ALMS1: variants seen among roughly 807,000 people sequenced by gnomAD.
ALMS1 encodes the protein ALMS1 centrosome and basal body associated protein.
Under a neutral mutation model 352.2 loss-of-function variants are expected in ALMS1, and 271 were observed. The ratio of observed to expected loss-of-function variants is 0.77; its 90% CI spans 0.70 to 0.85. The LOEUF (loss-of-function observed/expected upper bound fraction) is 0.85. Ranked by LOEUF, ALMS1 falls within the 40% of genes least tolerant of loss-of-function variation. The pLI, the probability that ALMS1 is intolerant of heterozygous loss-of-function variation, is 0.00. For missense variants in ALMS1, 5,445 were observed against 4,870.7 expected, an observed-to-expected ratio of 1.12 and a Z score of -3.51; for synonymous variants, 1,865 against 1,761.2, an observed-to-expected ratio of 1.06 and a Z score of -1.48.
chr2:73,448,339 T>C lies in ALMS1; in HGVS notation c.1812T>C (p.Ala604=), dbSNP rs2103772267. 3 of 1,613,960 alleles carry C rather than the reference T, an allele frequency of 1.9e-6. No individual in the cohort carries two copies. The highest frequency in any genetic ancestry group is 2.5e-6 in the Non-Finnish European group (3 of 1,179,928). ...LTEEALKVSA[A]PGLADQTTGM... is the part of the protein sequence containing the mutation. ...AAGAGGCTTTGAAAGTTTCAGCTGC[T>C]CCTGGACTAGCTGACCAGACAACTG... Residue 604 remains alanine (A), a synonymous_variant, in exon 8 of 23, where the codon GCT becomes GCC. Coordinates refer to ENST00000613296, the MANE Select transcript of ALMS1 (RefSeq NM_001378454.1).
intron 9 of ALMS1, among the ~76,000 whole-genome samples, chr2:73,485,339 A>G (rs970223362): frequency 6.6e-6 from 1 of 152,100 alleles, no homozygotes; most frequent in Admixed American, 6.5e-5. Context: ...CTGCCGTGTG[A>G]GGTGTCAGTG....
chr2:73,403,323 C>G (rs1369523421), intron 1 of ALMS1, among the ~76,000 whole-genome samples: 1 of 152,094 alleles, frequency 6.6e-6, no homozygotes, highest in Non-Finnish European at 1.5e-5. Flanking sequence ...GTGCCCTTGT[C>G]AAAAATTAGC....
intron 15 of ALMS1, among the ~76,000 whole-genome samples, chr2:73,568,094 TG>T (rs1037373710): frequency 2.6e-5 from 4 of 152,110 alleles, no homozygotes; most frequent in African/African-American, 9.7e-5. Context: ...GAAATGCAAA[TG>T]GCCATTAAAG....
Position 73,449,737 on chromosome 2 carries a change from T to C in ALMS1, c.3210T>C (p.Pro1070=), listed in dbSNP as rs2103778016. Residue 1070 remains proline, a synonymous_variant, in exon 8 of 23, where the codon CCT becomes CCC. Transcript: ENST00000613296. ...YPQVLSDSHL[P]EESLKVSAFP... ...AGGTGTTATCAGACAGTCATCTACC[T>C]GAAGAGAGTCTGAAAGTTTCAGCCT... 1 of 1,614,116 alleles carries C rather than the reference T, an allele frequency of 6.2e-7. No homozygotes were observed. The highest frequency in any genetic ancestry group is 1.7e-4 in the Middle Eastern group (1 of 6,060).
At position 73,609,807 on chromosome 2, in the gene ALMS1, A is replaced by G; in HGVS notation, c.*195A>G. 1 of 603,920 alleles carries G rather than the reference A, an allele frequency of 1.7e-6. No individual in the cohort carries two copies. Among genetic ancestry groups the G allele is most frequent in the Non-Finnish European group, 3.0e-6 (1 of 337,872 alleles). 37.4% of individuals were successfully genotyped at this position (603,920 alleles called of 1,614,324 possible). Reference sequence around the variant, plus strand: ...GGTTTGGGAGCAATACTTTCTGCATAGTGGCCTTGTCCAATGGCCTGTGTG... The same window carrying G: ...GGTTTGGGAGCAATACTTTCTGCATGGTGGCCTTGTCCAATGGCCTGTGTG... On this transcript the variant is annotated 3_prime_UTR_variant, in exon 23 of 23. Transcript: ENST00000613296.
At position 73,489,684 on chromosome 2, in the gene ALMS1, T is replaced by A; in HGVS notation, c.7725T>A (p.Ser2575Arg). 5.0e-6 allele frequency: 8 copies of A among 1,614,108 alleles called. No homozygotes were observed. The highest frequency in any genetic ancestry group is 6.8e-6 in the Non-Finnish European group (8 of 1,180,028). The change falls in exon 10 of 23, where the codon AGT becomes AGA. Residue 2575 changes from serine (S) to arginine (R), a missense_variant. Physicochemically the swap from Ser to Arg is moderately radical, Grantham distance 110 (BLOSUM62 -1). Transcript: ENST00000613296. ...GMGCKPEAVC[S>R]HIIIESHEKG... ...GATGCAAGCCAGAAGCTGTATGTAG[T>A]CACATTATTATTGAGAGCCATGAAA...
rs375049656 is a variant in ALMS1 at position 73,485,946 on chromosome 2, C to T, written c.7675-3688C>T. ...CCTGCTTCGTCTCGCACACGGTGCG[C>T]GCACCCACTGACCTGCGCCCACTGT... On this transcript the variant is annotated intron_variant, in intron 9 of 22. Transcript: ENST00000613296. 1.6e-3 allele frequency among the ~76,000 whole-genome samples: 249 copies of T among 152,140 alleles called. 2 individuals are homozygous for T. The East Asian group carries it at 0.02, about 12-fold the overall frequency.
intron 10 of ALMS1, among the ~76,000 whole-genome samples, chr2:73,517,649 ATTTTATTTTTAT>A (rs1237908012): frequency 1.3e-5 from 2 of 150,480 alleles, no homozygotes; most frequent in South Asian, 2.1e-4. Flanking sequence ...TTTTTTTTTC[ATTTTATTTTTAT>A]TTTTATTTTT....
intron 1 of ALMS1, among the ~76,000 whole-genome samples, chr2:73,403,976 T>C (rs1211880857): frequency 6.6e-6 from 1 of 152,200 alleles, no homozygotes; most frequent in Non-Finnish European, 1.5e-5. Context: ...CCCTGCTCAC[T>C]GCAACCTCCA....
chr2:73,563,294 A>G (rs1018216934), intron 15 of ALMS1, among the ~76,000 whole-genome samples: 1 of 152,188 alleles, frequency 6.6e-6, no homozygotes, highest in African/African-American at 2.4e-5. Flanking sequence ...GAAGAGGTAT[A>G]TTTTTATACT....
chr2:73,447,263 T>C (rs1036557665), intron 7 of ALMS1, among the ~76,000 whole-genome samples: 6 of 152,204 alleles, frequency 3.9e-5, no homozygotes, highest in Admixed American at 2.6e-4. Context: ...TTTGTTGGAT[T>C]GTGCAACCTA....
In ALMS1 at chr2:73,451,023, C is replaced by G; in HGVS notation, c.4496C>G (p.Ser1499Cys). Residue 1499 changes from serine (S) to cysteine (C), a missense_variant, in exon 8 of 23, where the codon TCT becomes TGT. Ser to Cys is a moderately radical substitution (Grantham distance 112, BLOSUM62 -1). Transcript: ENST00000613296. Reference protein sequence around the residue: ...AFPEGHLPEESLKVSVAPGPV... With the variant: ...AFPEGHLPEECLKVSVAPGPV... The stretch of plus-strand genomic sequence containing the variant: ...CCAGAGGGTCATCTACCTGAAGAGT[C>G]TCTGAAAGTTTCAGTTGCTCCTGGA... 6.2e-7 allele frequency: 1 copy of G among 1,613,928 alleles called. No individual in the cohort carries two copies. Among genetic ancestry groups the G allele is most frequent in the Non-Finnish European group, 8.5e-7 (1 of 1,179,962 alleles).
At chr2:73,515,384 G>C (rs984452126) in intron 10 of ALMS1, among the ~76,000 whole-genome samples, 7 of 151,814 alleles carry the variant, frequency 4.6e-5, no homozygotes, top group Non-Finnish European at 8.8e-5. Flanking sequence ...TAAATCCCCT[G>C]TAAATCAGTT....
At chr2:73,422,800 G>T (rs1881245) in intron 3 of ALMS1, 57 bp from the exon 4 acceptor site, 2 of 1,351,066 alleles carry the variant, frequency 1.5e-6, no homozygotes, top group Non-Finnish European at 2.1e-6. Flanking sequence ...TATTATATAC[G>T]TAAGTAAATA....
At chr2:73,447,119 G>A (rs1417847299) in intron 7 of ALMS1, among the ~76,000 whole-genome samples, 1 of 152,128 alleles carries the variant, frequency 6.6e-6, no homozygotes, top group Non-Finnish European at 1.5e-5. Flanking sequence ...TATTTTGAAT[G>A]AACAATGAAT....
intron 9 of ALMS1, among the ~76,000 whole-genome samples, chr2:73,480,208 T>C (rs1246094): frequency 0.57 from 86,270 of 151,622 alleles, 25,891 homozygotes; most frequent in East Asian, 0.77. Flanking sequence ...GTATATCTCC[T>C]AATGCTATCC....
intron 21 of ALMS1, among the ~76,000 whole-genome samples, chr2:73,607,403 A>G (rs372998580): frequency 6.6e-6 from 1 of 152,120 alleles, no homozygotes; most frequent in East Asian, 1.9e-4. Flanking sequence ...GTTTCTCCCA[A>G]CTTAAAATCA....
chr2:73,434,907 G>A (rs566892843), intron 7 of ALMS1, among the ~76,000 whole-genome samples: 4 of 152,008 alleles, frequency 2.6e-5, no homozygotes, highest in Non-Finnish European at 5.9e-5. Flanking sequence ...AGCGACTCTC[G>A]TGCCTCAGCC....
intron 9 of ALMS1, among the ~76,000 whole-genome samples, chr2:73,461,683 A>C (rs1672206259): frequency 6.6e-6 from 1 of 152,164 alleles, no homozygotes. Context: ...ATTCAAACCA[A>C]TGGCAAAGAA....
Sources: allele counts gnomAD v4.1 joint callset (sites outside exome capture counted in the v4.1 genomes callset), GRCh38; gene constraint gnomAD v4.1.1; transcripts MANE v1.5; gene names NCBI Gene and HGNC (gene_info 2026-07-23, HGNC 2026-07-21).